The following TLN2 variants were observed in gnomAD, a reference collection of about 807,000 sequenced individuals.
The protein encoded by TLN2 is talin-2.
TLN2 carries 118 observed loss-of-function variants against 294.7 expected under a neutral mutation model. That is an observed-to-expected ratio of 0.40 (90% CI 0.34 to 0.47). The LOEUF (loss-of-function observed/expected upper bound fraction) is 0.47. Among genes scored for constraint, TLN2 ranks in the 20% least tolerant of loss-of-function variants. The probability of loss-of-function intolerance (pLI) is 0.84; values close to 1 mark genes in which losing one functional copy is unlikely to be tolerated. For synonymous variants in TLN2, 1,431 were observed against 1,304.5 expected, an observed-to-expected ratio of 1.10 and a Z score of -2.09; for missense variants, 3,083 against 3,282.2, an observed-to-expected ratio of 0.94 and a Z score of 1.48.
At chr15:62,783,427 G>A (rs992561555) in intron 44 of TLN2, among the ~76,000 whole-genome samples, 8 of 152,200 alleles carry the variant, frequency 5.3e-5, no homozygotes, top group Non-Finnish European at 7.3e-5. Context: ...CTGCGCTGGC[G>A]AGGGGCTGGC....
At chr15:62,763,508 G>T in intron 39 of TLN2, 55 bp from the exon 40 acceptor site, 1 of 1,554,716 alleles carries the variant, frequency 6.4e-7, no homozygotes, top group Non-Finnish European at 8.7e-7. Flanking sequence ...GCTGGAGCAG[G>T]CTGTGGGACT....
chr15:62,628,702 G>A (rs2049503969), intron 3 of TLN2, among the ~76,000 whole-genome samples: 1 of 152,192 alleles, frequency 6.6e-6, no homozygotes. Context: ...GTTGCATATT[G>A]CTGGCAAAAC....
At chr15:62,674,882 A>G (rs1458281103) in intron 10 of TLN2, among the ~76,000 whole-genome samples, 3 of 152,200 alleles carry the variant, frequency 2.0e-5, no homozygotes, top group Non-Finnish European at 4.4e-5. Flanking sequence ...CTTGGCTCTC[A>G]ACCATTTGGG....
intron 1 of TLN2, among the ~76,000 whole-genome samples, chr15:62,450,511 GTGTATGTATGTA>G (rs1219079553): frequency 4.8e-5 from 7 of 145,520 alleles, no homozygotes; most frequent in South Asian, 2.2e-4. Context: ...GGCCCCCATC[GTGTATGTATGTA>G]TGTATGTATG....
Position 62,819,473 on chromosome 15 carries a change from G to T in TLN2, c.6772-43G>T, listed in dbSNP as rs1461143302. ...AGTGTGCTTCTTTCCTGTCCCAGTG[G>T]TTACTATCCCCCTCATGCCTCTGAC... On this transcript the variant is annotated intron_variant, in intron 52 of 58. Coordinates refer to ENST00000636159, the MANE Select transcript of TLN2 (RefSeq NM_015059.3). 2.6e-6 allele frequency: 4 copies of T among 1,527,394 alleles called. No homozygotes were observed. The Admixed American group carries it at 5.0e-5, about 19-fold the overall frequency. The allele number at this position is 1,527,394 out of a possible 1,614,324, so 94.6% of individuals were successfully genotyped here.
At chr15:62,793,174 TGCTGAGG>T (rs888032062) in intron 46 of TLN2, among the ~76,000 whole-genome samples, 108 of 152,210 alleles carry the variant, frequency 7.1e-4, no homozygotes, top group Non-Finnish European at 3.1e-4. Context: ...TCAAGGAGGC[TGCTGAGG>T]GCTGAGGGCT....
rs139765070 is a variant in TLN2, at chr15:62,762,469, G to A, written c.4961+16G>A. 6.6e-5 allele frequency: 107 copies of A among 1,610,908 alleles called. No individual in the cohort carries two copies. The African/African-American group carries it at 1.2e-3, about 18-fold the overall frequency. On this transcript the variant is annotated intron_variant, in intron 39 of 58. Coordinates refer to ENST00000636159, the MANE Select transcript of TLN2 (RefSeq NM_015059.3). ...CTTCTATCAGGTCAGTTTCCCATCC[G>A]GAGGTTGCTGCCAGCCTGCATCTCA...
rs189055921 is a variant in TLN2 at position 62,761,058 on chromosome 15, G to A, written c.4639-623G>A. Among the ~76,000 whole-genome samples, 581 of 152,202 alleles carry A rather than the reference G, an allele frequency of 3.8e-3. 1 individual carries two copies. Among genetic ancestry groups the A allele is most frequent in the South Asian group, 0.031 (149 of 4,818 alleles). The stretch of plus-strand genomic sequence containing the variant: ...TACAGGAGGCACCCATTTGTGGGTG[G>A]CCCGTTTTGTTAAATATGATGTTTG... On this transcript the variant is annotated intron_variant, in intron 37 of 58. Transcript: ENST00000636159.
Position 62,781,129 on chromosome 15 carries a change from C to G in TLN2, c.5515-11C>G. On this transcript the variant is annotated splice_polypyrimidine_tract_variant and intron_variant, in intron 43 of 58. Coordinates refer to ENST00000636159, the MANE Select transcript of TLN2 (RefSeq NM_015059.3). ...CTTATGACCTTTGGATTCTTTTCCT[C>G]TCCTCTGTAGCTGGATGAAGGCACT... The G allele has an allele frequency of 1.2e-6, 2 of 1,607,604 alleles. No homozygotes were observed. Among genetic ancestry groups the G allele is most frequent in the Non-Finnish European group, 8.5e-7 (1 of 1,174,114 alleles).
At chr15:62,766,204 G>T in intron 40 of TLN2, 117 bp from the exon 41 acceptor site, 1 of 782,086 alleles carries the variant, frequency 1.3e-6, no homozygotes, top group Admixed American at 2.3e-5. Flanking sequence ...CACACACGCA[G>T]GCATTCTAAT....
At chr15:62,570,359 C>A (rs1375512257) in intron 1 of TLN2, among the ~76,000 whole-genome samples, 1 of 152,156 alleles carries the variant, frequency 6.6e-6, no homozygotes, top group Non-Finnish European at 1.5e-5. Flanking sequence ...AAATATTTGT[C>A]TTGGCAGTTG....
intron 1 of TLN2, among the ~76,000 whole-genome samples, chr15:62,572,029 G>A (rs1348486331): frequency 6.6e-6 from 1 of 152,102 alleles, no homozygotes; most frequent in Non-Finnish European, 1.5e-5. Flanking sequence ...GGGAGGGTGC[G>A]GAGCCTTGTG....
At chr15:62,607,744 T>G (rs536201090) in intron 2 of TLN2, among the ~76,000 whole-genome samples, 1 of 152,062 alleles carries the variant, frequency 6.6e-6, no homozygotes, top group South Asian at 2.1e-4. Flanking sequence ...CTTTTTTGTG[T>G]GTGTGTGCAC....
chr15:62,752,174 C>T (rs1177322532), intron 34 of TLN2, 131 bp from the exon 35 acceptor site: 10 of 1,221,316 alleles, frequency 8.2e-6, no homozygotes, highest in East Asian at 4.8e-5. Flanking sequence ...CTTTTTAATC[C>T]AAATAAAGGA....
intron 3 of TLN2, among the ~76,000 whole-genome samples, chr15:62,634,331 C>T (rs2050187014): frequency 6.6e-6 from 1 of 152,194 alleles, no homozygotes; most frequent in South Asian, 2.1e-4. Flanking sequence ...CCTTTTATCC[C>T]TGTCTCTCTT....
chr15:62,501,545 G>A (rs2039308320), intron 1 of TLN2, among the ~76,000 whole-genome samples: 1 of 152,274 alleles, frequency 6.6e-6, no homozygotes, highest in African/African-American at 2.4e-5. Context: ...TCCTGGTTAG[G>A]GCTTTTCATG....
Position 62,614,558 on chromosome 15 carries a change from G to A in TLN2, c.-161-3793G>A, listed in dbSNP as rs562549526. Among the ~76,000 whole-genome samples the A allele has an allele frequency of 6.7e-4, 102 of 152,104 alleles. 1 individual carries two copies. Among genetic ancestry groups the A allele is most frequent in the African/African-American group, 2.3e-3 (96 of 41,480 alleles). The stretch of plus-strand genomic sequence containing the variant: ...TTTCTATCCCGCCACCTCTCTGCTC[G>A]AAAGAACATTCACTTCTTCGTTGTA... On this transcript the variant is annotated intron_variant, in intron 2 of 58. Coordinates refer to ENST00000636159, the MANE Select transcript of TLN2 (RefSeq NM_015059.3).
intron 2 of TLN2, among the ~76,000 whole-genome samples, chr15:62,590,411 T>G (rs533468296): frequency 6.6e-6 from 1 of 152,344 alleles, no homozygotes; most frequent in East Asian, 1.9e-4. Flanking sequence ...AGTGAGAATA[T>G]GTGGTATTTG....
At chr15:62,446,671 A>AT (rs11379789) in intron 1 of TLN2, among the ~76,000 whole-genome samples, 95,966 of 151,976 alleles carry the variant, frequency 0.63, 31,316 homozygotes, top group East Asian at 0.99. Flanking sequence ...GATTTTAAAC[A>AT]TTTTTTTGTA....
Sources: gnomAD v4.1 joint callset for allele counts (sites outside exome capture counted in the v4.1 genomes callset) on GRCh38, gnomAD v4.1.1 for gene constraint, MANE v1.5 for transcripts, NCBI Gene and HGNC (gene_info 2026-07-23, HGNC 2026-07-21) for gene names.